FOXD2: variants seen among roughly 807,000 people sequenced by gnomAD.
FOXD2 encodes the protein forkhead box D2.
In FOXD2, 4 loss-of-function variants were observed where a neutral mutation model predicts 6.4. That is an observed-to-expected ratio of 0.62 (90% CI 0.31 to 1.42). The LOEUF (loss-of-function observed/expected upper bound fraction) is 1.42. Ranked by LOEUF, FOXD2 falls within the 40% of genes most tolerant of loss-of-function variation. The pLI, the probability that FOXD2 is intolerant of heterozygous loss-of-function variation, is 0.08. For missense variants in FOXD2, 709 were observed against 766.8 expected, an observed-to-expected ratio of 0.92 and a Z score of 0.89; for synonymous variants, 393 against 373.6, an observed-to-expected ratio of 1.05 and a Z score of -0.60.
Position 47,438,298 on chromosome 1 carries a change from G to A in FOXD2, c.163G>A (p.Gly55Ser), listed in dbSNP as rs1426467191. The A allele has an allele frequency of 4.6e-6, 6 of 1,314,084 alleles. No individual in the cohort carries two copies. Among genetic ancestry groups the A allele is most frequent in the Non-Finnish European group, 5.8e-6 (6 of 1,032,386 alleles). The allele number at this position is 1,314,084 out of a possible 1,614,324, so 81.4% of individuals were successfully genotyped here. A position where few individuals can be genotyped will look rare whatever the true frequency, so the allele number is the denominator to read the frequency against. Reference sequence around the variant, plus strand: ...CGCCCCCCGGGACGTGCTCCCCCACGGCCACGAGCCTCCCGCGGAGGAAGC... The same window carrying A: ...CGCCCCCCGGGACGTGCTCCCCCACAGCCACGAGCCTCCCGCGGAGGAAGC... ...PRAPRDVLPH[G>S]HEPPAEEAEA... The change falls in exon 1 of 1, where the codon GGC becomes AGC. Residue 55 changes from glycine (G) to serine (S), a missense_variant. Gly to Ser is a moderately conservative substitution (Grantham distance 56). Around this residue, in one of 5 missense-constraint regions of FOXD2, gnomAD observed 220 missense variants for 199.2 expected, o/e 1.10. Transcript: ENST00000334793.
In FOXD2 at chr1:47,439,214, T is replaced by C. The variant is rs1317238064; in HGVS notation, c.1079T>C (p.Leu360Pro). The change falls in exon 1 of 1, where the codon CTG becomes CCG. Residue 360 changes from leucine to proline, a missense_variant. By Grantham distance (98) the Leu-to-Pro change is moderately conservative (BLOSUM62 -3). This residue lies in a region of FOXD2 where 322 missense variants were observed against 313.8 expected (regional missense o/e 1.03). Coordinates refer to ENST00000334793, the MANE Select transcript of FOXD2 (RefSeq NM_004474.4). The part of the protein sequence containing the change: ...AGLPAFLGAE[L>P]GCAKAFYAAS... ...CTGCCCGCCTTCCTGGGCGCGGAGCTGGGCTGCGCCAAAGCCTTCTACGCG... is the reference window on the plus strand; with the variant it reads ...CTGCCCGCCTTCCTGGGCGCGGAGCCGGGCTGCGCCAAAGCCTTCTACGCG... The C allele has an allele frequency of 6.8e-7, 1 of 1,471,722 alleles. No individual in the cohort carries two copies. 91.2% of individuals were successfully genotyped at this position (1,471,722 alleles called of 1,614,324 possible). A position where few individuals can be genotyped will look rare whatever the true frequency, so the allele number is the denominator to read the frequency against.
chr1:47,438,198 C>G lies in FOXD2; in HGVS notation c.63C>G (p.Ser21=). Residue 21 remains serine (S), a synonymous_variant, in exon 1 of 1, where the codon TCC becomes TCG. Coordinates refer to ENST00000334793, the MANE Select transcript of FOXD2 (RefSeq NM_004474.4). ...MSSESSPAAL[S]EADADIDVVG... is the part of the protein sequence containing the mutation. Reference sequence around the variant, plus strand: ...CCGAGAGCTCCCCGGCCGCGCTGTCCGAGGCCGACGCAGACATAGACGTGG... The same window carrying G: ...CCGAGAGCTCCCCGGCCGCGCTGTCGGAGGCCGACGCAGACATAGACGTGG... 1.4e-6 allele frequency: 2 copies of G among 1,460,042 alleles called. No individual in the cohort carries two copies. The highest frequency in any genetic ancestry group is 1.3e-5 in the South Asian group (1 of 76,326). 90.4% of individuals were successfully genotyped at this position (1,460,042 alleles called of 1,614,324 possible).
Position 47,439,700 on chromosome 1 carries a change from A to G in FOXD2, c.*77A>G. 7.3e-7 allele frequency: 1 copy of G among 1,373,930 alleles called. No individual in the cohort carries two copies. The highest frequency in any genetic ancestry group is 9.9e-7 in the Non-Finnish European group (1 of 1,007,170). The allele number at this position is 1,373,930 out of a possible 1,614,324, so 85.1% of individuals were successfully genotyped here. ...AGTTCCTGCGGTCCCAGCGGAACTC[A>G]GGGAGTCTATTTATGAAGTCTCCAG... On this transcript the variant is annotated 3_prime_UTR_variant, in exon 1 of 1. Coordinates refer to ENST00000334793, the MANE Select transcript of FOXD2 (RefSeq NM_004474.4).
rs1269717013 is a variant in FOXD2, at chr1:47,440,068, A to G, written c.*445A>G. ...CTGCTTGTCCAATATTATAATTTAAAGACATCTATTATCTGCTTTGTGCTT... is the reference window on the plus strand; with the variant it reads ...CTGCTTGTCCAATATTATAATTTAAGGACATCTATTATCTGCTTTGTGCTT... On this transcript the variant is annotated 3_prime_UTR_variant, in exon 1 of 1. Transcript: ENST00000334793. 5.8e-6 allele frequency: 1 copy of G among 172,164 alleles called. No individual in the cohort carries two copies. The highest frequency in any genetic ancestry group is 1.4e-5 in the Non-Finnish European group (1 of 72,512). The allele number at this position is 172,164 out of a possible 1,614,324, so 10.7% of individuals were successfully genotyped here. A position where few individuals can be genotyped will look rare whatever the true frequency, so the allele number is the denominator to read the frequency against.
chr1:47,438,325 G>A lies in FOXD2; in HGVS notation c.190G>A (p.Glu64Lys), dbSNP rs1646985915. ...CCACGAGCCTCCCGCGGAGGAAGCC[G>A]AGGCAGACTTAGCCGAGGACGAGGA... ...HGHEPPAEEA[E>K]ADLAEDEEES... The change falls in exon 1 of 1, where the codon GAG becomes AAG. Residue 64 changes from glutamate to lysine, a missense_variant. Transcript: ENST00000334793. 3.9e-6 allele frequency: 5 copies of A among 1,296,472 alleles called. No homozygotes were observed. The highest frequency in any genetic ancestry group is 4.9e-6 in the Non-Finnish European group (5 of 1,021,094). 80.3% of individuals were successfully genotyped at this position (1,296,472 alleles called of 1,614,324 possible).
Position 47,439,506 on chromosome 1 carries a change from T to A in FOXD2, c.1371T>A (p.Ala457=). The A allele has an allele frequency of 6.4e-7, 1 of 1,551,264 alleles. No homozygotes were observed. Among genetic ancestry groups the A allele is most frequent in the Non-Finnish European group, 8.7e-7 (1 of 1,148,754 alleles). The part of the protein sequence containing the change: ...GQAQVLAMLT[A]PALAPVAGHI... Reference sequence around the variant, plus strand: ...CCCAGGTCTTGGCCATGCTGACTGCTCCGGCCCTGGCTCCCGTTGCTGGCC... The same window carrying A: ...CCCAGGTCTTGGCCATGCTGACTGCACCGGCCCTGGCTCCCGTTGCTGGCC... The change falls in exon 1 of 1, where the codon GCT becomes GCA. Residue 457 remains alanine (A), a synonymous_variant. Coordinates refer to ENST00000334793, the MANE Select transcript of FOXD2 (RefSeq NM_004474.4).
rs1286716400 is a variant in FOXD2 at position 47,438,839 on chromosome 1, C to T, written c.704C>T (p.Pro235Leu). 6.2e-7 allele frequency: 1 copy of T among 1,610,442 alleles called. No homozygotes were observed. Among genetic ancestry groups the T allele is most frequent in the African/African-American group, 1.3e-5 (1 of 74,724 alleles). Residue 235 changes from proline (P) to leucine (L), a missense_variant, in exon 1 of 1, where the codon CCG becomes CTG. Physicochemically the swap from Pro to Leu is moderately conservative, Grantham distance 98. This residue lies in a region of FOXD2 where 98 missense variants were observed against 91.0 expected (regional missense o/e 1.08). Coordinates refer to ENST00000334793, the MANE Select transcript of FOXD2 (RefSeq NM_004474.4). ...RQPLPPPHPH[P>L]HPHPELLLRG... Reference sequence around the variant, plus strand: ...CCCCTGCCGCCGCCGCACCCACACCCGCACCCTCACCCGGAGCTGCTGCTG... The same window carrying T: ...CCCCTGCCGCCGCCGCACCCACACCTGCACCCTCACCCGGAGCTGCTGCTG...
chr1:47,438,093 C>G lies in FOXD2; in HGVS notation c.-43C>G, dbSNP rs1425600840. On this transcript the variant is annotated 5_prime_UTR_variant, in exon 1 of 1. Transcript: ENST00000334793. The stretch of plus-strand genomic sequence containing the variant: ...AGCGCGGCCGAGCCCGAGCCGCTGC[C>G]GGAGCGGAGCCGGAGAGTGGCGGCG... The G allele has an allele frequency of 7.5e-6, 10 of 1,338,878 alleles. No individual in the cohort carries two copies. Among genetic ancestry groups the G allele is most frequent in the South Asian group, 1.9e-5 (1 of 53,078 alleles). The allele number at this position is 1,338,878 out of a possible 1,614,324, so 82.9% of individuals were successfully genotyped here.
rs1482196921 is a variant in FOXD2, at chr1:47,438,740, C to T, written c.605C>T (p.Thr202Met). The change falls in exon 1 of 1, where the codon ACG becomes ATG. Residue 202 changes from threonine (T) to methionine (M), a missense_variant. Thr to Met is a moderately conservative substitution (Grantham distance 81). Around this residue, in one of 5 missense-constraint regions of FOXD2, gnomAD observed 69 missense variants for 145.6 expected, o/e 0.47. Transcript: ENST00000334793. The stretch of plus-strand genomic sequence containing the variant: ...AACCCGGGCAAGGGCAACTACTGGA[C>T]GCTGGACCCGGAGTCGGCCGACATG... ...PGNPGKGNYW[T>M]LDPESADMFD... 1.9e-6 allele frequency: 3 copies of T among 1,613,832 alleles called. No homozygotes were observed. The highest frequency in any genetic ancestry group is 2.5e-6 in the Non-Finnish European group (3 of 1,179,956).
rs1397059333 is a variant in FOXD2 at position 47,438,962 on chromosome 1, C to A, written c.827C>A (p.Ala276Asp). The part of the protein sequence containing the change: ...YGYGYGLALP[A>D]YGAPPPGPAP... ...TACGGCTACGGGCTGGCTCTCCCGG[C>A]CTACGGCGCACCCCCGCCGGGGCCG... is the stretch of plus-strand genomic sequence containing the variant. The change falls in exon 1 of 1, where the codon GCC (alanine) becomes GAC (aspartate). Residue 276 changes from alanine (A) to aspartate (D), a missense_variant. Ala to Asp is a moderately radical substitution (Grantham distance 126, BLOSUM62 -2). This residue lies in a region of FOXD2 where 98 missense variants were observed against 91.0 expected (regional missense o/e 1.08). Transcript: ENST00000334793. 1.3e-6 allele frequency: 2 copies of A among 1,490,906 alleles called. No homozygotes were observed. Among genetic ancestry groups the A allele is most frequent in the Non-Finnish European group, 8.9e-7 (1 of 1,123,770 alleles). 92.4% of individuals were successfully genotyped at this position (1,490,906 alleles called of 1,614,324 possible).
Position 47,438,269 on chromosome 1 carries a change from C to T in FOXD2, c.134C>T (p.Pro45Leu). 2.2e-6 allele frequency: 3 copies of T among 1,358,718 alleles called. No homozygotes were observed. The highest frequency in any genetic ancestry group is 1.9e-6 in the Non-Finnish European group (2 of 1,059,600). 84.2% of individuals were successfully genotyped at this position (1,358,718 alleles called of 1,614,324 possible). A position where few individuals can be genotyped will look rare whatever the true frequency, so the allele number is the denominator to read the frequency against. Residue 45 changes from proline to leucine, a missense_variant, in exon 1 of 1, where the codon CCC becomes CTC. Pro to Leu is a moderately conservative substitution (Grantham distance 98, BLOSUM62 -3). This residue lies in a region of FOXD2 where 220 missense variants were observed against 199.2 expected (regional missense o/e 1.10). Coordinates refer to ENST00000334793, the MANE Select transcript of FOXD2 (RefSeq NM_004474.4). The stretch of plus-strand genomic sequence containing the variant: ...GGGGAGCTCCCAGCTCGCTCCGGGC[C>T]CCGCGCCCCCCGGGACGTGCTCCCC... ...GGGELPARSG[P>L]RAPRDVLPHG...
Position 47,438,888 on chromosome 1 carries a change from G to T in FOXD2, c.753G>T (p.Gly251=). 1 of 1,562,840 alleles carries T rather than the reference G, an allele frequency of 6.4e-7. No homozygotes were observed. The highest frequency in any genetic ancestry group is 8.7e-7 in the Non-Finnish European group (1 of 1,155,408). The change falls in exon 1 of 1, where the codon GGG becomes GGT. Residue 251 remains glycine (G), a synonymous_variant. Transcript: ENST00000334793. ...TGCGTGGCGGGGCCGCGGCGGCGGG[G>T]GATCCCGGCGCTTTCCTGCCCGGCT... is the stretch of plus-strand genomic sequence containing the variant. ...LLLRGGAAAA[G]DPGAFLPGFA...
In FOXD2 at chr1:47,438,840, G is replaced by GCACCCT; in HGVS notation, c.711_716dup (p.His238_Pro239dup). 1 of 1,610,236 alleles carries GCACCCT rather than the reference G, an allele frequency of 6.2e-7. No homozygotes were observed. The highest frequency in any genetic ancestry group is 8.5e-7 in the Non-Finnish European group (1 of 1,178,762). The stretch of plus-strand genomic sequence containing the variant: ...CCCTGCCGCCGCCGCACCCACACCC[G>GCACCCT]CACCCTCACCCGGAGCTGCTGCTGC... On this transcript the variant is annotated inframe_insertion, in exon 1 of 1. Coordinates refer to ENST00000334793, the MANE Select transcript of FOXD2 (RefSeq NM_004474.4).
chr1:47,439,020 C>T lies in FOXD2; in HGVS notation c.885C>T (p.Phe295=), dbSNP rs1476393585. 3 of 1,443,754 alleles carry T rather than the reference C, an allele frequency of 2.1e-6. No individual in the cohort carries two copies. The highest frequency in any genetic ancestry group is 2.7e-5 in the Admixed American group (1 of 37,596). 89.4% of individuals were successfully genotyped at this position (1,443,754 alleles called of 1,614,324 possible). Residue 295 remains phenylalanine (F), a synonymous_variant, in exon 1 of 1, where the codon TTC becomes TTT. Coordinates refer to ENST00000334793, the MANE Select transcript of FOXD2 (RefSeq NM_004474.4). ...APHPHPHPHA[F]AFAAAAAAAP... ...ATCCGCACCCGCACCCGCACGCCTT[C>T]GCTTTCGCCGCGGCAGCCGCCGCCG... is the stretch of plus-strand genomic sequence containing the variant.
rs1435640297 is a variant in FOXD2 at position 47,438,173 on chromosome 1, C to G, written c.38C>G (p.Ser13Cys). The part of the protein sequence containing the change: ...LGSCCCEIMS[S>C]ESSPAALSEA... ...AGCTGCTGCTGCGAGATCATGTCCT[C>G]CGAGAGCTCCCCGGCCGCGCTGTCC... Residue 13 changes from serine (S) to cysteine (C), a missense_variant, in exon 1 of 1, where the codon TCC (serine) becomes TGC (cysteine). By Grantham distance (112) the Ser-to-Cys change is moderately radical. Transcript: ENST00000334793. 8.2e-6 allele frequency: 12 copies of G among 1,466,924 alleles called. No homozygotes were observed. The highest frequency in any genetic ancestry group is 1.5e-5 in the African/African-American group (1 of 68,246). The allele number at this position is 1,466,924 out of a possible 1,614,324, so 90.9% of individuals were successfully genotyped here.
Position 47,438,424 on chromosome 1 carries a change from C to A in FOXD2, c.289C>A (p.Pro97Thr), listed in dbSNP as rs964252467. ...GGGGGCGGCGGCCGCAGCGGGGAGC[C>A]CGGGGCCAGGCGCCGCGGCGGCCCG... Reference protein sequence around the residue: ...SRGAAAAAGSPGPGAAAARGA... With the variant: ...SRGAAAAAGSTGPGAAAARGA... Residue 97 changes from proline to threonine, a missense_variant, in exon 1 of 1, where the codon CCG (proline) becomes ACG (threonine). Pro to Thr is a conservative substitution (Grantham distance 38). Around this residue, in one of 5 missense-constraint regions of FOXD2, gnomAD observed 220 missense variants for 199.2 expected, o/e 1.10. Transcript: ENST00000334793. The A allele has an allele frequency of 1.2e-4, 135 of 1,143,588 alleles. No individual in the cohort carries two copies. Among genetic ancestry groups the A allele is most frequent in the Middle Eastern group, 3.6e-4 (1 of 2,760 alleles). The allele number at this position is 1,143,588 out of a possible 1,614,324, so 70.8% of individuals were successfully genotyped here. A position where few individuals can be genotyped will look rare whatever the true frequency, so the allele number is the denominator to read the frequency against.
At position 47,440,073 on chromosome 1, in the gene FOXD2, T is replaced by C. The variant is rs1646999284; in HGVS notation, c.*450T>C. 1 of 168,592 alleles carries C rather than the reference T, an allele frequency of 5.9e-6. No individual in the cohort carries two copies. The allele number at this position is 168,592 out of a possible 1,614,324, so 10.4% of individuals were successfully genotyped here. A position where few individuals can be genotyped will look rare whatever the true frequency, so the allele number is the denominator to read the frequency against. ...TGTCCAATATTATAATTTAAAGACA[T>C]CTATTATCTGCTTTGTGCTTAAAAG... On this transcript the variant is annotated 3_prime_UTR_variant, in exon 1 of 1. Coordinates refer to ENST00000334793, the MANE Select transcript of FOXD2 (RefSeq NM_004474.4).
rs1253315414 is a variant in FOXD2, at chr1:47,439,226, A to T, written c.1091A>T (p.Lys364Ile). The T allele has an allele frequency of 6.7e-7, 1 of 1,488,376 alleles. No homozygotes were observed. Among genetic ancestry groups the T allele is most frequent in the African/African-American group, 1.5e-5 (1 of 68,114 alleles). 92.2% of individuals were successfully genotyped at this position (1,488,376 alleles called of 1,614,324 possible). A position where few individuals can be genotyped will look rare whatever the true frequency, so the allele number is the denominator to read the frequency against. The change falls in exon 1 of 1, where the codon AAA (lysine) becomes ATA (isoleucine). Residue 364 changes from lysine (K) to isoleucine (I), a missense_variant. Lys to Ile is a moderately radical substitution (Grantham distance 102). This residue lies in a region of FOXD2 where 322 missense variants were observed against 313.8 expected (regional missense o/e 1.03). Transcript: ENST00000334793. ...CTGGGCGCGGAGCTGGGCTGCGCCAAAGCCTTCTACGCGGCGTCCCTGAGT... is the reference window on the plus strand; with the variant it reads ...CTGGGCGCGGAGCTGGGCTGCGCCATAGCCTTCTACGCGGCGTCCCTGAGT... ...AFLGAELGCAKAFYAASLSPP... is the reference protein window; with the variant it reads ...AFLGAELGCAIAFYAASLSPP...
Position 47,439,580 on chromosome 1 carries a change from G to C in FOXD2, c.1445G>C (p.Arg482Pro), listed in dbSNP as rs370170773. The change falls in exon 1 of 1, where the codon CGG (arginine) becomes CCG (proline). Residue 482 changes from arginine to proline, a missense_variant. By Grantham distance (103) the Arg-to-Pro change is moderately radical. Coordinates refer to ENST00000334793, the MANE Select transcript of FOXD2 (RefSeq NM_004474.4). ...PGDALLSSGS[R>P]FASKVAGLSG... ...GACGCGCTGCTGTCCTCAGGGTCCC[G>C]GTTTGCCAGCAAAGTCGCCGGCCTT... 55 of 1,558,216 alleles carry C rather than the reference G, an allele frequency of 3.5e-5. No individual in the cohort carries two copies. The South Asian group carries it at 5.8e-4, about 16-fold the overall frequency.
Sources: gnomAD v4.1 joint callset for allele counts on GRCh38, gnomAD v4.1.1 for gene constraint, gnomAD v4.1.1 regional missense constraint, MANE v1.5 for transcripts, NCBI Gene and HGNC (gene_info 2026-07-23, HGNC 2026-07-21) for gene names.